NAV1: variants seen among roughly 807,000 people sequenced by gnomAD.
NAV1 encodes the protein pore membrane and/or filament interacting like protein 3.
In NAV1, 18 loss-of-function variants were observed where a neutral mutation model predicts 175.2. That is an observed-to-expected ratio of 0.10 (90% CI 0.07 to 0.15). The LOEUF (loss-of-function observed/expected upper bound fraction) is 0.15. Ranked by LOEUF, NAV1 falls within the 10% of genes least tolerant of loss-of-function variation. NAV1 has a pLI of 1.00. For synonymous variants in NAV1, 897 were observed against 978.7 expected, an observed-to-expected ratio of 0.92 and a Z score of 1.56; for missense variants, 1,731 against 2,436.6, an observed-to-expected ratio of 0.71 and a Z score of 6.10.
intron 1 of NAV1, among the ~76,000 whole-genome samples, chr1:201,575,694 G>A (rs2102182338): frequency 6.6e-6 from 1 of 152,156 alleles, no homozygotes; most frequent in Middle Eastern, 3.4e-3. Flanking sequence ...AGCACGGAGT[G>A]GTGACGTAAC....
At chr1:201,614,153 C>G (rs509122) in intron 2 of NAV1, among the ~76,000 whole-genome samples, 10,686 of 152,122 alleles carry the variant, frequency 0.07, 919 homozygotes, top group African/African-American at 0.2. Context: ...TGCGTGAGTT[C>G]AGAGATACTC....
chr1:201,730,825 G>T (rs1202636986), intron 3 of NAV1, among the ~76,000 whole-genome samples: 1 of 152,204 alleles, frequency 6.6e-6, no homozygotes, highest in Admixed American at 6.5e-5. Context: ...TGAGGGGCCA[G>T]CTCTGGCCTC....
At chr1:201,738,102 C>T (rs752181247) in intron 3 of NAV1, among the ~76,000 whole-genome samples, 4 of 151,912 alleles carry the variant, frequency 2.6e-5, no homozygotes, top group Non-Finnish European at 4.4e-5. Context: ...GAGAGAGAAC[C>T]GTCTGCCTTG....
At chr1:201,602,064 T>G (rs1667530327) in intron 2 of NAV1, among the ~76,000 whole-genome samples, 1 of 151,818 alleles carries the variant, frequency 6.6e-6, no homozygotes, top group Non-Finnish European at 1.5e-5. Context: ...GAGAGAATGG[T>G]TTTTCAAAAG....
At chr1:201,751,300 G>T (rs1249269324) in intron 3 of NAV1, among the ~76,000 whole-genome samples, 3 of 152,202 alleles carry the variant, frequency 2.0e-5, no homozygotes, top group Non-Finnish European at 2.9e-5. Context: ...GTATATGTTT[G>T]ATATCCAGCC....
chr1:201,726,336 G>A (rs1270694572), intron 3 of NAV1, among the ~76,000 whole-genome samples: 2 of 152,146 alleles, frequency 1.3e-5, no homozygotes, highest in Non-Finnish European at 2.9e-5. Flanking sequence ...AGTATAAAGA[G>A]CTGTCAGTTT....
At chr1:201,712,911 G>A (rs1160593153) in exon 2 of NAV1, 2 of 1,612,584 alleles carry the variant, frequency 1.2e-6, no homozygotes, top group South Asian at 2.2e-5. Flanking sequence ...GGTCCCAGGT[G>A]ACTCACAGGT....
At chr1:201,785,573 G>A (rs966286889) in intron 8 of NAV1, among the ~76,000 whole-genome samples, 12 of 152,076 alleles carry the variant, frequency 7.9e-5, no homozygotes, top group Non-Finnish European at 1.8e-4. Flanking sequence ...TGACAGGGGA[G>A]AAACAAGTTT....
intron 15 of NAV1, chr1:201,797,798 T>C (rs956431894): frequency 7.9e-5 from 12 of 152,252 alleles, no homozygotes; most frequent in Non-Finnish European, 1.8e-4. Context: ...TACTAGTGTA[T>C]AAAAATACAA....
At chr1:201,593,888 C>T (rs1667278958) in intron 2 of NAV1, among the ~76,000 whole-genome samples, 1 of 152,116 alleles carries the variant, frequency 6.6e-6, no homozygotes, top group South Asian at 2.1e-4. Context: ...CCATTGGAGG[C>T]TCACCAGGAT....
intron 2 of NAV1, among the ~76,000 whole-genome samples, chr1:201,612,411 G>A (rs541795582): frequency 4.6e-5 from 7 of 152,306 alleles, no homozygotes; most frequent in African/African-American, 1.7e-4. Flanking sequence ...CAGTGATAAC[G>A]CCACTGCACT....
intron 1 of NAV1, among the ~76,000 whole-genome samples, chr1:201,689,749 A>G (rs990439629): frequency 2.6e-5 from 4 of 152,196 alleles, no homozygotes; most frequent in Non-Finnish European, 5.9e-5. Flanking sequence ...AAATACAACA[A>G]CAACAAAATC....
At chr1:201,801,326 G>C (rs1677852927) in intron 15 of NAV1, among the ~76,000 whole-genome samples, 1 of 152,180 alleles carries the variant, frequency 6.6e-6, no homozygotes, top group Admixed American at 6.5e-5. Flanking sequence ...GTCATAGTGA[G>C]AGTGAGAAAA....
intron 1 of NAV1, among the ~76,000 whole-genome samples, chr1:201,576,572 C>T (rs1261822816): frequency 7.2e-6 from 1 of 139,566 alleles, no homozygotes; most frequent in Non-Finnish European, 1.5e-5. Flanking sequence ...GAGACCCTCT[C>T]CAAAAAAAAA....
chr1:201,595,543 C>T (rs1667326288), intron 2 of NAV1, among the ~76,000 whole-genome samples: 3 of 152,230 alleles, frequency 2.0e-5, no homozygotes. Flanking sequence ...TCACCAGGTC[C>T]CTCCTCTCCA....
intron 3 of NAV1, among the ~76,000 whole-genome samples, chr1:201,720,311 T>C (rs1395669145): frequency 6.6e-6 from 1 of 152,162 alleles, no homozygotes; most frequent in Non-Finnish European, 1.5e-5. Flanking sequence ...GCTGAGTCTT[T>C]AGAAAGTCCC....
intron 1 of NAV1, among the ~76,000 whole-genome samples, chr1:201,710,964 A>G (rs1051815796): frequency 6.6e-6 from 1 of 152,102 alleles, no homozygotes; most frequent in Non-Finnish European, 1.5e-5. Flanking sequence ...TGGGCCAGAA[A>G]CCCACACCTT....
upstream of NAV1, among the ~76,000 whole-genome samples, chr1:201,643,900 C>T (rs1668890590): frequency 6.6e-6 from 1 of 152,212 alleles, no homozygotes; most frequent in Admixed American, 6.5e-5. Context: ...ACACAGCATG[C>T]GTCTCCTTGG....
chr1:201,756,641 T>C (rs892865743), intron 3 of NAV1, among the ~76,000 whole-genome samples: 2 of 152,202 alleles, frequency 1.3e-5, no homozygotes, highest in Non-Finnish European at 2.9e-5. Context: ...TATTTTGCCT[T>C]CATGTGACTC....
Sources: gnomAD v4.1 joint callset for allele counts (sites outside exome capture counted in the v4.1 genomes callset) on GRCh38, gnomAD v4.1.1 for gene constraint, MANE v1.5 for transcripts, NCBI Gene and HGNC (gene_info 2026-07-23, HGNC 2026-07-21) for gene names.